Variants in LPP observed in about 807,000 individuals in gnomAD.
LPP encodes the protein LIM domain containing preferred translocation partner in lipoma, also known as lipoma-preferred partner.
Under a neutral mutation model 60.4 loss-of-function variants are expected in LPP, and 38 were observed. That is an observed-to-expected ratio of 0.63 (90% CI 0.49 to 0.83). LPP has a LOEUF of 0.83. LPP is among the 40% of genes least tolerant of loss of function. LPP has a pLI of 0.00. For missense variants in LPP, 902 were observed against 783.6 expected (o/e 1.15, Z -1.80); for synonymous variants, 328 against 290.8 (o/e 1.13, Z -1.30).
At chr3:188,593,034 A>G (rs1001219777) in intron 6 of LPP, among the ~76,000 whole-genome samples, 3 of 152,092 alleles carry the variant, frequency 2.0e-5, no homozygotes, top group African/African-American at 7.2e-5. Context: ...CATTCCATGA[A>G]TTGTATCCAT....
chr3:188,274,972 A>C (rs781534863), intron 2 of LPP, among the ~76,000 whole-genome samples: 9 of 152,204 alleles, frequency 5.9e-5, no homozygotes, highest in Non-Finnish European at 1.0e-4. Context: ...ATTGACAGTC[A>C]AGCTTTCTAG....
chr3:188,400,060 A>AT lies in LPP; in HGVS notation c.-9-6042dup, dbSNP rs535427867. 2.4e-3 allele frequency among the ~76,000 whole-genome samples: 358 copies of AT among 148,566 alleles called. 3 individuals carry two copies. The highest frequency in any genetic ancestry group is 4.0e-3 in the Admixed American group (59 of 14,908). On this transcript the variant is annotated intron_variant, in intron 3 of 11. Transcript: ENST00000617246. ...GTTATTTGCTTTCTGTTGTGCCTTG[A>AT]TTTTTTTTTTCTGTTGACTATTGGC...
chr3:188,856,901 G>A (rs995189131), intron 9 of LPP, among the ~76,000 whole-genome samples: 7 of 152,120 alleles, frequency 4.6e-5, no homozygotes, highest in African/African-American at 1.7e-4. Context: ...TTTTGACAGC[G>A]ACAAAACCCA....
chr3:188,455,716 G>A (rs1797588301), intron 4 of LPP, among the ~76,000 whole-genome samples: 1 of 152,008 alleles, frequency 6.6e-6, no homozygotes, highest in African/African-American at 2.4e-5. Flanking sequence ...TTCTAGATAT[G>A]GTAAAACCAG....
At chr3:188,710,273 T>C (rs1866365865) in intron 8 of LPP, 1 of 152,176 alleles carries the variant, frequency 6.6e-6, no homozygotes, top group African/African-American at 2.4e-5. Context: ...GCAGTTTAGC[T>C]TAGCTAAAAG....
At chr3:188,573,344 T>C (rs80164046) in intron 6 of LPP, among the ~76,000 whole-genome samples, 1,825 of 152,216 alleles carry the variant, frequency 0.012, 14 homozygotes, top group Non-Finnish European at 0.018. Flanking sequence ...AATCTTCTGT[T>C]CTGAAAAATA....
intron 1 of LPP, among the ~76,000 whole-genome samples, chr3:188,189,499 T>G (rs1395801513): frequency 6.6e-6 from 1 of 152,224 alleles, no homozygotes; most frequent in African/African-American, 2.4e-5. Flanking sequence ...TTTGGAATTC[T>G]GATTTATTTT....
intron 1 of LPP, among the ~76,000 whole-genome samples, chr3:188,195,676 A>G (rs1352610102): frequency 6.6e-6 from 1 of 152,236 alleles, no homozygotes; most frequent in African/African-American, 2.4e-5. Context: ...TATAAAAAGT[A>G]ATGTAAAATA....
At chr3:188,174,764 C>G (rs1045826614) in intron 1 of LPP, among the ~76,000 whole-genome samples, 1 of 152,162 alleles carries the variant, frequency 6.6e-6, no homozygotes, top group Admixed American at 6.5e-5. Context: ...CTGTTTGAAT[C>G]CAATTGATCT....
intron 7 of LPP, among the ~76,000 whole-genome samples, chr3:188,642,096 AT>A (rs113502570): frequency 2.0e-5 from 3 of 151,044 alleles, no homozygotes; most frequent in African/African-American, 7.3e-5. Flanking sequence ...CTGAAGTGGA[AT>A]TTTTTTTTTA....
chr3:188,779,006 G>A (rs902487413), intron 9 of LPP, among the ~76,000 whole-genome samples: 2 of 152,082 alleles, frequency 1.3e-5, no homozygotes, highest in Non-Finnish European at 1.5e-5. Context: ...TTTATGGAAA[G>A]TGCTGTCAGC....
intron 4 of LPP, among the ~76,000 whole-genome samples, chr3:188,458,345 A>C (rs760919987): frequency 8.5e-5 from 13 of 152,222 alleles, no homozygotes; most frequent in Non-Finnish European, 1.8e-4. Context: ...AGTTGTCTGC[A>C]TTTTTATAAA....
intron 6 of LPP, among the ~76,000 whole-genome samples, chr3:188,589,744 A>C (rs1266156843): frequency 2.6e-5 from 4 of 152,224 alleles, no homozygotes; most frequent in Non-Finnish European, 4.4e-5. Context: ...ATCATAAAAC[A>C]TGGTAATTGG....
intron 6 of LPP, among the ~76,000 whole-genome samples, chr3:188,603,956 G>T (rs1377848986): frequency 6.6e-6 from 1 of 152,110 alleles, no homozygotes; most frequent in Non-Finnish European, 1.5e-5. Flanking sequence ...ATCTTAAGCA[G>T]TTTCCCATGT....
At chr3:188,432,095 T>C (rs1177947424) in intron 4 of LPP, among the ~76,000 whole-genome samples, 1 of 152,166 alleles carries the variant, frequency 6.6e-6, no homozygotes, top group East Asian at 1.9e-4. Flanking sequence ...GTCATCTTCA[T>C]AGCATTATTT....
At chr3:188,798,255 A>G (rs1391719558) in intron 9 of LPP, among the ~76,000 whole-genome samples, 5 of 152,210 alleles carry the variant, frequency 3.3e-5, no homozygotes, top group Admixed American at 1.3e-4. Context: ...TAGATTTACT[A>G]ATTAGTTCAA....
chr3:188,605,783 T>C (rs1842271980), intron 6 of LPP, among the ~76,000 whole-genome samples: 1 of 152,178 alleles, frequency 6.6e-6, no homozygotes, highest in Non-Finnish European at 1.5e-5. Context: ...TTCCATTTGA[T>C]GCAGATAGAT....
intron 8 of LPP, chr3:188,759,222 A>G (rs942139649): frequency 1.3e-5 from 2 of 152,238 alleles, no homozygotes; most frequent in African/African-American, 4.8e-5. Context: ...TTTAAAGCTT[A>G]CTGCAAATTT....
At chr3:188,341,782 T>G (rs1422341453) in intron 3 of LPP, 63 bp downstream of exon 3, 6 of 594,574 alleles carry the variant, frequency 1.0e-5, no homozygotes, top group African/African-American at 2.0e-5. Flanking sequence ...CCAGTAATGT[T>G]GATTTTAGAA....
Sources: allele counts gnomAD v4.1 joint callset (sites outside exome capture counted in the v4.1 genomes callset), GRCh38; gene constraint gnomAD v4.1.1; transcripts MANE v1.5; gene names NCBI Gene and HGNC (gene_info 2026-07-23, HGNC 2026-07-21).